Variants in NLGN4Y observed in about 807,000 individuals in gnomAD.
The protein encoded by NLGN4Y is neuroligin-4, Y-linked.
In NLGN4Y, 4 loss-of-function variants were observed where a neutral mutation model predicts 8.4. That is an observed-to-expected ratio of 0.48 (90% CI 0.23 to 1.09). The LOEUF (loss-of-function observed/expected upper bound fraction) is 1.09, where lower values mean the gene tolerates loss of function less well. Among genes scored for constraint, NLGN4Y ranks in the 50% least tolerant of loss-of-function variants. The pLI, the probability that NLGN4Y is intolerant of heterozygous loss-of-function variation, is 0.19. For synonymous variants in NLGN4Y, 35 were observed against 75.6 expected, an observed-to-expected ratio of 0.46 and a Z score of 2.78; for missense variants, 90 against 192.3, an observed-to-expected ratio of 0.47 and a Z score of 3.15.
intron 4 of NLGN4Y, among the ~76,000 whole-genome samples, chrY:14,760,062 A>G (rs2081075832): frequency 3.0e-5 from 1 of 33,234 alleles, no homozygotes; most frequent in African/African-American, 1.2e-4. Context: ...GTATACTATA[A>G]TTATTCAATA....
chrY:14,703,747 CT>C (rs2080865350), intron 2 of NLGN4Y, among the ~76,000 whole-genome samples: 3 of 32,732 alleles, frequency 9.2e-5, no homozygotes, highest in African/African-American at 3.6e-4. Flanking sequence ...TATAAATTAC[CT>C]TGGGCAGTAT....
chrY:14,575,626 G>T, intron 1 of NLGN4Y, among the ~76,000 whole-genome samples: 1 of 33,602 alleles, frequency 3.0e-5, no homozygotes, highest in Non-Finnish European at 7.4e-5. Context: ...TTCCATTGCT[G>T]GTGATGTGCT....
chrY:14,649,196 C>T, intron 2 of NLGN4Y, among the ~76,000 whole-genome samples: 1 of 32,432 alleles, frequency 3.1e-5, no homozygotes, highest in African/African-American at 1.2e-4. Flanking sequence ...ATGAAGTAAG[C>T]ATTCTTCTGG....
chrY:14,538,549 G>T, intron 1 of NLGN4Y, among the ~76,000 whole-genome samples: 1 of 33,766 alleles, frequency 3.0e-5, no homozygotes, highest in Non-Finnish European at 7.3e-5. Flanking sequence ...TATGATGAAT[G>T]CATCTTAGCT....
intron 4 of NLGN4Y, among the ~76,000 whole-genome samples, chrY:14,800,590 A>G: frequency 6.6e-5 from 2 of 30,124 alleles, no homozygotes; most frequent in East Asian, 1.6e-3. Flanking sequence ...CTCTATATAT[A>G]TATTTTTTCT....
chrY:14,701,245 G>A, intron 2 of NLGN4Y, among the ~76,000 whole-genome samples: 2 of 31,349 alleles, frequency 6.4e-5, no homozygotes, highest in East Asian at 1.8e-3. Context: ...ACATGGTCAT[G>A]ACACTGCATA....
At chrY:14,788,621 C>T (rs2042975983) in intron 4 of NLGN4Y, among the ~76,000 whole-genome samples, 1 of 33,557 alleles carries the variant, frequency 3.0e-5, no homozygotes, top group Non-Finnish European at 7.4e-5. Flanking sequence ...TGTTCTGTCA[C>T]TGTTTTCTTG....
intron 1 of NLGN4Y, among the ~76,000 whole-genome samples, chrY:14,579,250 G>GA (rs2080308106): frequency 2.9e-5 from 1 of 33,978 alleles, no homozygotes; most frequent in Non-Finnish European, 7.3e-5. Flanking sequence ...CTTTAGTCCA[G>GA]AAAAATTGAA....
intron 1 of NLGN4Y, among the ~76,000 whole-genome samples, chrY:14,610,541 C>T: frequency 6.1e-5 from 2 of 32,938 alleles, no homozygotes; most frequent in East Asian, 7.9e-4. Flanking sequence ...ATCCTGGGTT[C>T]GAATTTGATT....
intron 4 of NLGN4Y, among the ~76,000 whole-genome samples, chrY:14,818,327 C>A (rs2043109827): frequency 3.0e-5 from 1 of 33,348 alleles, no homozygotes; most frequent in African/African-American, 1.2e-4. Context: ...GTGAAAAGAG[C>A]AAAGTCTCCC....
chrY:14,784,338 T>C, intron 4 of NLGN4Y, among the ~76,000 whole-genome samples: 1 of 33,806 alleles, frequency 3.0e-5, no homozygotes, highest in African/African-American at 1.2e-4. Context: ...TAACTGTGTA[T>C]ATACCCAAAC....
chrY:14,610,620 C>T, intron 1 of NLGN4Y, among the ~76,000 whole-genome samples: 1 of 32,431 alleles, frequency 3.1e-5, no homozygotes, highest in Non-Finnish European at 7.6e-5. Context: ...TGTTTTACTT[C>T]CAATTTTGTA....
chrY:14,734,705 C>T (rs2080987131), intron 4 of NLGN4Y, among the ~76,000 whole-genome samples: 1 of 33,383 alleles, frequency 3.0e-5, no homozygotes, highest in Admixed American at 2.8e-4. Context: ...TATATGTATT[C>T]TACACCCCTT....
At chrY:14,635,956 A>G in intron 2 of NLGN4Y, among the ~76,000 whole-genome samples, 1 of 33,028 alleles carries the variant, frequency 3.0e-5, no homozygotes, top group Non-Finnish European at 7.4e-5. Flanking sequence ...TGAGATGAAT[A>G]TACAGAGTGT....
At chrY:14,620,943 A>G (rs953594725) in intron 1 of NLGN4Y, among the ~76,000 whole-genome samples, 6 of 33,755 alleles carry the variant, frequency 1.8e-4, no homozygotes, top group Non-Finnish European at 4.4e-4. Context: ...AATGGGATAC[A>G]GGGTGAAGAG....
At chrY:14,714,718 G>A (rs1024374764) in intron 2 of NLGN4Y, among the ~76,000 whole-genome samples, 7 of 33,357 alleles carry the variant, frequency 2.1e-4, no homozygotes, top group Non-Finnish European at 3.7e-4. Context: ...ATAGGCATGG[G>A]CAAACGCTTC....
At chrY:14,815,399 G>A (rs2043097471) in intron 4 of NLGN4Y, among the ~76,000 whole-genome samples, 1 of 33,147 alleles carries the variant, frequency 3.0e-5, no homozygotes, top group Non-Finnish European at 7.4e-5. Context: ...CAGGGAGAAT[G>A]TTTGCCATTA....
chrY:14,550,398 T>C, intron 1 of NLGN4Y, among the ~76,000 whole-genome samples: 1 of 34,145 alleles, frequency 2.9e-5, no homozygotes, highest in Non-Finnish European at 7.3e-5. Context: ...ATTATTGTTA[T>C]GTGTGATTTG....
At chrY:14,787,923 G>T in intron 4 of NLGN4Y, among the ~76,000 whole-genome samples, 1 of 33,385 alleles carries the variant, frequency 3.0e-5, no homozygotes. Context: ...GCTGCTATAG[G>T]CCTGTTATTT....
Sources: gnomAD v4.1 joint callset for allele counts (sites outside exome capture counted in the v4.1 genomes callset) on GRCh38, gnomAD v4.1.1 for gene constraint, MANE v1.5 for transcripts, NCBI Gene and HGNC (gene_info 2026-07-23, HGNC 2026-07-21) for gene names.